Variants in TULP4 observed in about 807,000 individuals in gnomAD.
TULP4 encodes TUB like protein 4.
TULP4 carries 16 observed loss-of-function variants against 129.0 expected under a neutral mutation model. The observed-to-expected ratio is 0.12, with a 90% CI of 0.08 to 0.19. TULP4 has a LOEUF of 0.19. Among genes scored for constraint, TULP4 ranks in the 10% least tolerant of loss-of-function variants. The probability of loss-of-function intolerance (pLI) is 1.00; values close to 1 mark genes in which losing one functional copy is unlikely to be tolerated. For synonymous variants in TULP4, 998 were observed against 854.0 expected (o/e 1.17, Z -2.94); for missense variants, 1,842 against 2,059.1 (o/e 0.89, Z 2.04).
intron 10 of TULP4, among the ~76,000 whole-genome samples, chr6:158,494,104 C>T (rs938024050): frequency 2.0e-5 from 3 of 152,228 alleles, no homozygotes; most frequent in African/African-American, 7.2e-5. Context: ...ACCTCCTCCT[C>T]GTTTCTGCCC....
At chr6:158,279,163 C>T (rs906750900), upstream of TULP4, among the ~76,000 whole-genome samples, 4 of 151,864 alleles carry the variant, frequency 2.6e-5, no homozygotes, top group Admixed American at 6.6e-5. Context: ...AGGATGGTCT[C>T]GATCTCCTGA....
At chr6:158,289,730 G>A (rs768494796) in intron 1 of TULP4, among the ~76,000 whole-genome samples, 4 of 148,924 alleles carry the variant, frequency 2.7e-5, no homozygotes, top group Non-Finnish European at 5.9e-5. Flanking sequence ...ACAGGCATGT[G>A]CCACCATGCC....
At chr6:158,393,018 T>A in intron 1 of TULP4, among the ~76,000 whole-genome samples, 1 of 150,808 alleles carries the variant, frequency 6.6e-6, no homozygotes, top group African/African-American at 2.4e-5. Context: ...ACAAGTGAGT[T>A]ACTTCCAAGA....
At chr6:158,232,406 G>A (rs1777613249) in intron 1 of TULP4, 1 of 149,798 alleles carries the variant, frequency 6.7e-6, no homozygotes, top group South Asian at 1.8e-4. Context: ...CCCCTGCGGT[G>A]GGCCCCGGGG....
At position 158,313,391 on chromosome 6, in the gene TULP4, T is replaced by G. The variant is rs1779408407; in HGVS notation, c.-626T>G. 1 of 398,536 alleles carries G rather than the reference T, an allele frequency of 2.5e-6. No individual in the cohort carries two copies. Among genetic ancestry groups the G allele is most frequent in the Non-Finnish European group, 4.4e-6 (1 of 226,192 alleles). 24.7% of individuals were successfully genotyped at this position (398,536 alleles called of 1,614,324 possible). On this transcript the variant is annotated 5_prime_UTR_variant, in exon 1 of 14. Coordinates refer to ENST00000367097, the MANE Select transcript of TULP4 (RefSeq NM_020245.5). ...ACAAACTCTGGTCTGTTTTGCACGG[T>G]TTGTGTGCCTTTTTTTCCCTTTATG...
chr6:158,301,381 T>C (rs1257309365), intron 1 of TULP4, among the ~76,000 whole-genome samples: 1 of 128,514 alleles, frequency 7.8e-6, no homozygotes, highest in Non-Finnish European at 1.6e-5. Context: ...GAAGTCATTT[T>C]TATAAAATCA....
intron 1 of TULP4, among the ~76,000 whole-genome samples, chr6:158,348,389 T>C (rs1780371193): frequency 2.6e-5 from 4 of 152,036 alleles, no homozygotes; most frequent in Admixed American, 2.6e-4. Flanking sequence ...TTAATGAGCA[T>C]GCTGCCTTCA....
rs1022357261 is a variant in TULP4 at position 158,327,048 on chromosome 6, T to C, written c.252+12780T>C. Among the ~76,000 whole-genome samples, 5 of 152,346 alleles carry C rather than the reference T, an allele frequency of 3.3e-5. No individual in the cohort carries two copies. The East Asian group carries it at 9.6e-4, about 29-fold the overall frequency. The stretch of plus-strand genomic sequence containing the variant: ...CAGTCCTGCAACCATCCCCCTTGTG[T>C]ACCAGACTGTACTATGATTTTCTCA... On this transcript the variant is annotated intron_variant, in intron 1 of 13. Transcript: ENST00000367097.
Position 158,502,420 on chromosome 6 carries a change from G to A in TULP4, c.2757G>A (p.Pro919=), listed in dbSNP as rs1204549003. 12 of 1,613,442 alleles carry A rather than the reference G, an allele frequency of 7.4e-6. No individual in the cohort carries two copies. The highest frequency in any genetic ancestry group is 1.6e-4 in the Middle Eastern group (1 of 6,082). ...CSQNTYTLPG[P]GSSATLRLTA... is the part of the protein sequence containing the mutation. ...AGAACACGTACACCCTCCCCGGCCCGGGTAGCTCTGCCACCTTGAGGCTCA... is the reference window on the plus strand; with the variant it reads ...AGAACACGTACACCCTCCCCGGCCCAGGTAGCTCTGCCACCTTGAGGCTCA... The change falls in exon 13 of 14, where the codon CCG becomes CCA. Residue 919 remains proline, a synonymous_variant. Transcript: ENST00000367097.
chr6:158,493,762 G>T lies in TULP4; in HGVS notation c.1776+45G>T. 1 of 1,488,434 alleles carries T rather than the reference G, an allele frequency of 6.7e-7. No homozygotes were observed. Among genetic ancestry groups the T allele is most frequent in the South Asian group, 1.4e-5 (1 of 72,846 alleles). 92.2% of individuals were successfully genotyped at this position (1,488,434 alleles called of 1,614,324 possible). On this transcript the variant is annotated intron_variant, in intron 10 of 13. Transcript: ENST00000367097. The surrounding 1 kb of genome is among the most constrained non-coding windows in gnomAD (Gnocchi z 4.4). ...CTGCCTTGCTCCCCTCCTCCTGGGGGCTATGCCCAGAGGGCCCCTTCCTAC... is the reference window on the plus strand; with the variant it reads ...CTGCCTTGCTCCCCTCCTCCTGGGGTCTATGCCCAGAGGGCCCCTTCCTAC...
chr6:158,391,072 C>A (rs766054076), intron 1 of TULP4, among the ~76,000 whole-genome samples: 11 of 152,026 alleles, frequency 7.2e-5, no homozygotes, highest in Admixed American at 1.3e-4. Flanking sequence ...GAGACTCCAA[C>A]TCTAAAAAAT....
Position 158,502,831 on chromosome 6 carries a change from C to G in TULP4, c.3168C>G (p.Thr1056=). 6.2e-7 allele frequency: 1 copy of G among 1,613,058 alleles called. No individual in the cohort carries two copies. ...AGCCCGGAGCCTCCCTGGCCCATAC[C>G]GCCAGCGCCTCCCCGTTGGCCTCCC... The part of the protein sequence containing the change: ...SSQPGASLAH[T]ASASPLASQS... Residue 1056 remains threonine, a synonymous_variant, in exon 13 of 14, where the codon ACC becomes ACG. Transcript: ENST00000367097.
intron 1 of TULP4, among the ~76,000 whole-genome samples, chr6:158,412,319 T>C (rs961652298): frequency 1.3e-5 from 2 of 152,188 alleles, no homozygotes; most frequent in Non-Finnish European, 2.9e-5. Flanking sequence ...CCGGGGACCA[T>C]TCCATAACCC....
Position 158,461,573 on chromosome 6 carries a change from C to G in TULP4, c.870C>G (p.Ala290=). The change falls in exon 6 of 14, where the codon GCC becomes GCG. Residue 290 remains alanine (A), a synonymous_variant. Transcript: ENST00000367097. The part of the protein sequence containing the change: ...VIRSGLKEVV[A]QWCTQGDLLA... The stretch of plus-strand genomic sequence containing the variant: ...TCTCCTCTGTTTCAGAGGTGGTAGC[C>G]CAGTGGTGCACACAGGGGGACTTGC... 1.2e-6 allele frequency: 2 copies of G among 1,613,198 alleles called. No individual in the cohort carries two copies. Among genetic ancestry groups the G allele is most frequent in the African/African-American group, 2.7e-5 (2 of 74,954 alleles).
chr6:158,452,597 G>A (rs1009431762), intron 5 of TULP4, among the ~76,000 whole-genome samples: 1 of 152,238 alleles, frequency 6.6e-6, no homozygotes, highest in African/African-American at 2.4e-5. Context: ...TAAACGGACT[G>A]CAGCACCTGC....
intron 2 of TULP4, among the ~76,000 whole-genome samples, chr6:158,426,193 A>T (rs1778488470): frequency 4.6e-5 from 7 of 152,034 alleles, no homozygotes; most frequent in Admixed American, 4.6e-4. Flanking sequence ...CTTTATTGAT[A>T]GTTTCTTTTG....
At chr6:158,381,759 T>C (rs1356166182) in intron 1 of TULP4, among the ~76,000 whole-genome samples, 2 of 152,232 alleles carry the variant, frequency 1.3e-5, no homozygotes, top group South Asian at 2.1e-4. Context: ...TCTTCAGTAA[T>C]GACAATAGTT....
chr6:158,428,771 G>C (rs748334389), intron 2 of TULP4, among the ~76,000 whole-genome samples: 1 of 152,034 alleles, frequency 6.6e-6, no homozygotes, highest in Non-Finnish European at 1.5e-5. Flanking sequence ...CAGTGTAACA[G>C]TGGTTGAAAG....
At chr6:158,476,600 G>A (rs1201167897) in intron 6 of TULP4, among the ~76,000 whole-genome samples, 1 of 152,142 alleles carries the variant, frequency 6.6e-6, no homozygotes, top group Non-Finnish European at 1.5e-5. Context: ...CATGCTACCT[G>A]CCTAATTACC....
Sources: gnomAD v4.1 joint callset for allele counts (sites outside exome capture counted in the v4.1 genomes callset) on GRCh38, gnomAD v4.1.1 for gene constraint, Gnocchi (gnomAD v3.1) non-coding constraint, MANE v1.5 for transcripts, NCBI Gene and HGNC (gene_info 2026-07-23, HGNC 2026-07-21) for gene names.